GCKR: variants seen among roughly 807,000 people sequenced by gnomAD.
GCKR encodes glucokinase regulatory protein.
In GCKR, 73 loss-of-function variants were observed where a neutral mutation model predicts 82.9. The ratio of observed to expected loss-of-function variants is 0.88; its 90% CI spans 0.73 to 1.07. GCKR has a LOEUF of 1.07. GCKR is among the 50% of genes least tolerant of loss of function. The pLI, the probability that GCKR is intolerant of heterozygous loss-of-function variation, is 0.00. For synonymous variants in GCKR, 294 were observed against 291.8 expected, an observed-to-expected ratio of 1.01 and a Z score of -0.08; for missense variants, 784 against 782.1, an observed-to-expected ratio of 1.00 and a Z score of -0.03.
chr2:27,515,744 C>CGT (rs1558441456), intron 16 of GCKR, among the ~76,000 whole-genome samples: 3 of 130,114 alleles, frequency 2.3e-5, no homozygotes, highest in African/African-American at 8.8e-5. Flanking sequence ...TCCAATTGTT[C>CGT]GTATATATAT....
At chr2:27,502,852 A>T (rs942884929) in intron 8 of GCKR, among the ~76,000 whole-genome samples, 1 of 152,246 alleles carries the variant, frequency 6.6e-6, no homozygotes, top group Non-Finnish European at 1.5e-5. Context: ...CGATTCACAA[A>T]TTATCCCCTA....
At chr2:27,510,573 T>C (rs1346594406) in intron 16 of GCKR, among the ~76,000 whole-genome samples, 1 of 152,222 alleles carries the variant, frequency 6.6e-6, no homozygotes, top group Non-Finnish European at 1.5e-5. Context: ...CAAAGAGGTT[T>C]ATAAATAAAG....
Position 27,508,074 on chromosome 2 carries a change from G to C in GCKR, c.1338G>C (p.Leu446=), listed in dbSNP as rs371909870. The change falls in exon 15 of 19, where the codon CTG becomes CTC. Residue 446 remains leucine, a splice_region_variant and synonymous_variant. Transcript: ENST00000264717. The stretch of plus-strand genomic sequence containing the variant: ...ACAGCACCGTGGGTCAGACCTTGCT[G>C]GTGAGAGTCCAGCCGTGACAAAGGG... ...LAHSTVGQTL[L]IPLKKLFPSI... is the part of the protein sequence containing the mutation. 465 of 1,610,794 alleles carry C rather than the reference G, an allele frequency of 2.9e-4. No homozygotes were observed. Among genetic ancestry groups the C allele is most frequent in the Non-Finnish European group, 3.8e-4 (443 of 1,177,148 alleles).
At position 27,506,049 on chromosome 2, in the gene GCKR, T is replaced by G. The variant is rs1669732297; in HGVS notation, c.869+213T>G. On this transcript the variant is annotated intron_variant, in intron 10 of 18. Transcript: ENST00000264717. The stretch of plus-strand genomic sequence containing the variant: ...TTGTTTCCAGTGGATCCTGGATTCC[T>G]CAGGCCCAGACCTAATCCCTGAGCC... Among the ~76,000 whole-genome samples, 2 of 152,184 alleles carry G rather than the reference T, an allele frequency of 1.3e-5. 1 individual carries two copies. The highest frequency in any genetic ancestry group is 4.1e-4 in the South Asian group (2 of 4,828).
chr2:27,523,442 C>G lies in GCKR; in HGVS notation c.*3C>G. 1.2e-6 allele frequency: 2 copies of G among 1,604,556 alleles called. No homozygotes were observed. Among genetic ancestry groups the G allele is most frequent in the Non-Finnish European group, 1.7e-6 (2 of 1,179,922 alleles). On this transcript the variant is annotated 3_prime_UTR_variant, in exon 19 of 19. Coordinates refer to ENST00000264717, the MANE Select transcript of GCKR (RefSeq NM_001486.4). ...TCCTAGAGCCTGACGTTCAGTGAAC[C>G]CATGTTTCTGGGTGGGTGAAAGGGG...
At chr2:27,520,634 T>G (rs924663537) in intron 17 of GCKR, among the ~76,000 whole-genome samples, 1 of 152,248 alleles carries the variant, frequency 6.6e-6, no homozygotes, top group Non-Finnish European at 1.5e-5. Context: ...AACTGAATTT[T>G]TAATTTTATG....
At chr2:27,502,896 T>C (rs1345583576) in intron 8 of GCKR, among the ~76,000 whole-genome samples, 1 of 152,228 alleles carries the variant, frequency 6.6e-6, no homozygotes, top group Non-Finnish European at 1.5e-5. Flanking sequence ...AAGAAGATCG[T>C]CATTCTTTGA....
At chr2:27,512,987 G>C (rs1669926273) in intron 16 of GCKR, among the ~76,000 whole-genome samples, 1 of 152,156 alleles carries the variant, frequency 6.6e-6, no homozygotes, top group African/African-American at 2.4e-5. Flanking sequence ...GCCCTTATCA[G>C]TGTATCACAT....
At chr2:27,512,086 A>G (rs1314401664) in intron 16 of GCKR, among the ~76,000 whole-genome samples, 1 of 152,010 alleles carries the variant, frequency 6.6e-6, no homozygotes, top group African/African-American at 2.4e-5. Context: ...TAAAAATACA[A>G]AAATTAGCCA....
Position 27,496,904 on chromosome 2 carries a change from C to T in GCKR, c.-1C>T. ...GAACAGTGTATCCACAGCGTGGGAC[C>T]ATGCCAGGCACAAAACGGTTTCAAC... On this transcript the variant is annotated 5_prime_UTR_variant, in exon 1 of 19. Coordinates refer to ENST00000264717, the MANE Select transcript of GCKR (RefSeq NM_001486.4). 8 of 1,613,248 alleles carry T rather than the reference C, an allele frequency of 5.0e-6. No homozygotes were observed. The highest frequency in any genetic ancestry group is 6.8e-6 in the Non-Finnish European group (8 of 1,179,200).
chr2:27,509,158 G>T (rs1301370257), intron 16 of GCKR, among the ~76,000 whole-genome samples: 1 of 152,038 alleles, frequency 6.6e-6, no homozygotes, highest in Non-Finnish European at 1.5e-5. Context: ...CAGAATCAGG[G>T]CCCTGAAGGG....
chr2:27,508,043 T>G lies in GCKR; in HGVS notation c.1307T>G (p.Leu436Arg). ...VKEKTNHIQA[L>R]AHSTVGQTLL... ...GAGAAGACCAACCACATCCAGGCCC[T>G]GGCACACAGCACCGTGGGTCAGACC... Residue 436 changes from leucine to arginine, a missense_variant, in exon 15 of 19, where the codon CTG becomes CGG. By Grantham distance (102) the Leu-to-Arg change is moderately radical (BLOSUM62 -2). Coordinates refer to ENST00000264717, the MANE Select transcript of GCKR (RefSeq NM_001486.4). 1 of 1,613,790 alleles carries G rather than the reference T, an allele frequency of 6.2e-7. No individual in the cohort carries two copies. The highest frequency in any genetic ancestry group is 8.5e-7 in the Non-Finnish European group (1 of 1,179,716).
chr2:27,507,762 AT>A lies in GCKR; in HGVS notation c.1229del (p.Phe410SerfsTer13). 2.5e-6 allele frequency: 4 copies of A among 1,586,800 alleles called. No homozygotes were observed. The highest frequency in any genetic ancestry group is 1.7e-6 in the Non-Finnish European group (2 of 1,155,254). Reference sequence around the variant, plus strand: ...CACGGAAATCGATACTGTGGTCTTCATTTTCACCCTGGATGGTGAGAGGGAA... The same window carrying A: ...CACGGAAATCGATACTGTGGTCTTCATTTCACCCTGGATGGTGAGAGGGAA... ...SLTEIDTVVF[I>X]FTLDDNLTEV... On this transcript the variant is annotated frameshift_variant, in exon 14 of 19. Transcript: ENST00000264717. LOFTEE classifies it high-confidence loss of function.
intron 13 of GCKR, 35 bp from the exon 14 acceptor site, chr2:27,507,646 C>G: frequency 4.3e-6 from 5 of 1,150,180 alleles, no homozygotes; most frequent in Non-Finnish European, 6.6e-6. Flanking sequence ...AGAGTGTTTT[C>G]ATGGGAGGGA....
At chr2:27,511,516 G>A (rs911290044) in intron 16 of GCKR, among the ~76,000 whole-genome samples, 1 of 151,096 alleles carries the variant, frequency 6.6e-6, no homozygotes, top group African/African-American at 2.4e-5. Context: ...GGCCAACATG[G>A]TGAAACCCTG....
Position 27,499,171 on chromosome 2 carries a change from A to C in GCKR, c.458A>C (p.Glu153Ala). 1 of 1,611,958 alleles carries C rather than the reference A, an allele frequency of 6.2e-7. No individual in the cohort carries two copies. ...RSVVASREGT[E>A]DSALHGIEEL... ...GTGGTGGCCTCTAGGGAGGGGACAG[A>C]AGATAGTGCCTTGCACGGGATTGAG... Residue 153 changes from glutamate to alanine, a missense_variant, in exon 6 of 19, where the codon GAA becomes GCA. By Grantham distance (107) the Glu-to-Ala change is moderately radical. Coordinates refer to ENST00000264717, the MANE Select transcript of GCKR (RefSeq NM_001486.4).
At chr2:27,503,671 G>A (rs1256011992) in intron 9 of GCKR, 52 bp downstream of exon 9, 4 of 910,304 alleles carry the variant, frequency 4.4e-6, no homozygotes, top group Non-Finnish European at 7.4e-6. Context: ...CCTGGGAACT[G>A]CTTGCCACTT....
At chr2:27,508,396 C>T in intron 16 of GCKR, 145 bp downstream of exon 16, 1 of 679,884 alleles carries the variant, frequency 1.5e-6, no homozygotes, top group Non-Finnish European at 2.7e-6. Flanking sequence ...TCATGGGTTA[C>T]CAGGTTACTA....
rs952932405 is a variant in GCKR at position 27,501,197 on chromosome 2, C to A, written c.612C>A (p.Val204=). ...CMNNTAVFLP[V]LVGFNPVSMA... ...ACAACACAGCTGTCTTCTTGCCAGT[C>A]CTGGTTGGCTTCAATCCAGTGAGCA... Residue 204 remains valine (V), a synonymous_variant, in exon 8 of 19, where the codon GTC becomes GTA. Transcript: ENST00000264717. 2 of 1,613,912 alleles carry A rather than the reference C, an allele frequency of 1.2e-6. No homozygotes were observed. Among genetic ancestry groups the A allele is most frequent in the Non-Finnish European group, 1.7e-6 (2 of 1,179,766 alleles).
Sources: gnomAD v4.1 joint callset for allele counts (sites outside exome capture counted in the v4.1 genomes callset) on GRCh38, gnomAD v4.1.1 for gene constraint, MANE v1.5 for transcripts, NCBI Gene and HGNC (gene_info 2026-07-23, HGNC 2026-07-21) for gene names.